Variants in MYOM1 observed in about 807,000 individuals in gnomAD.
The protein encoded by MYOM1 is myomesin-1.
Under a neutral mutation model 205.3 loss-of-function variants are expected in MYOM1, and 164 were observed. The observed-to-expected ratio is 0.80, with a 90% CI of 0.70 to 0.91. MYOM1 has a LOEUF of 0.91. Ranked by LOEUF, MYOM1 falls within the 40% of genes least tolerant of loss-of-function variation. The probability of loss-of-function intolerance (pLI) is 0.00; values close to 1 mark genes in which losing one functional copy is unlikely to be tolerated. For synonymous variants in MYOM1, 772 were observed against 789.4 expected, an observed-to-expected ratio of 0.98 and a Z score of 0.37; for missense variants, 2,011 against 2,127.3, an observed-to-expected ratio of 0.95 and a Z score of 1.08.
intron 33 of MYOM1, among the ~76,000 whole-genome samples, chr18:3,081,781 T>C (rs1252964368): frequency 6.6e-6 from 1 of 152,352 alleles, no homozygotes; most frequent in East Asian, 1.9e-4. Context: ...ATTGGAATTT[T>C]ACTAATTCTC....
chr18:3,154,229 C>A (rs902936276), intron 11 of MYOM1, among the ~76,000 whole-genome samples: 1 of 151,848 alleles, frequency 6.6e-6, no homozygotes, highest in Non-Finnish European at 1.5e-5. Flanking sequence ...AGCATTCTTG[C>A]CAAATTAGTG....
chr18:3,204,916 A>T (rs2144222168), intron 2 of MYOM1, among the ~76,000 whole-genome samples: 1 of 152,216 alleles, frequency 6.6e-6, no homozygotes, highest in East Asian at 1.9e-4. Context: ...CTCTACATTT[A>T]TGGTCAAGTG....
At chr18:3,146,819 T>C (rs1473590187) in intron 13 of MYOM1, among the ~76,000 whole-genome samples, 1 of 151,728 alleles carries the variant, frequency 6.6e-6, no homozygotes, top group Non-Finnish European at 1.5e-5. Flanking sequence ...AAGGAAGAAG[T>C]TAATTTATCT....
At chr18:3,130,731 C>T (rs1386562306) in intron 17 of MYOM1, among the ~76,000 whole-genome samples, 4 of 152,202 alleles carry the variant, frequency 2.6e-5, no homozygotes, top group Admixed American at 6.5e-5. Flanking sequence ...GCTGGGATTA[C>T]AGGTGTAAGC....
intron 5 of MYOM1, 94 bp downstream of exon 5, chr18:3,187,386 T>C (rs940215582): frequency 8.1e-6 from 11 of 1,363,504 alleles, no homozygotes; most frequent in South Asian, 1.4e-5. Flanking sequence ...GATGTCTTCA[T>C]TGACTCTTGC....
At chr18:3,154,016 G>C (rs2080257015) in intron 11 of MYOM1, among the ~76,000 whole-genome samples, 2 of 152,146 alleles carry the variant, frequency 1.3e-5, no homozygotes, top group African/African-American at 4.8e-5. Context: ...AGAACTTATA[G>C]ATAGTGAATA....
chr18:3,140,392 G>A (rs2080031437), intron 14 of MYOM1, among the ~76,000 whole-genome samples: 1 of 149,136 alleles, frequency 6.7e-6, no homozygotes, highest in Non-Finnish European at 1.5e-5. Flanking sequence ...GGGCAACAGA[G>A]TGAGGCTGTC....
intron 8 of MYOM1, among the ~76,000 whole-genome samples, chr18:3,173,272 G>A (rs2080586872): frequency 6.6e-6 from 1 of 152,086 alleles, no homozygotes; most frequent in South Asian, 2.1e-4. Flanking sequence ...CTTCATTTTA[G>A]ATTGTACTTT....
chr18:3,244,767 C>T, the MYOM1 span, among the ~76,000 whole-genome samples: 1 of 151,658 alleles, frequency 6.6e-6, no homozygotes. Flanking sequence ...GGCGTGGTGG[C>T]ACATGCCTGT....
the MYOM1 span, among the ~76,000 whole-genome samples, chr18:3,231,005 C>T: frequency 6.6e-6 from 1 of 152,234 alleles, no homozygotes; most frequent in African/African-American, 2.4e-5. Flanking sequence ...CCAGCTGGCT[C>T]TCAAGCACCA....
In MYOM1 at chr18:3,122,081, T is replaced by C. The variant is rs141199413; in HGVS notation, c.2992-2086A>G. Among the ~76,000 whole-genome samples the C allele has an allele frequency of 1.8e-4, 28 of 152,164 alleles. 1 individual carries two copies. The highest frequency in any genetic ancestry group is 6.7e-4 in the African/African-American group (28 of 41,512). On this transcript the variant is annotated intron_variant, in intron 19 of 37. Coordinates refer to ENST00000356443, the MANE Select transcript of MYOM1 (RefSeq NM_003803.4). ...TTGCAGTGAGTCAAGATCATGCCAC[T>C]GTACTCCAGCCTCAGGGACAGAGTG...
At chr18:3,155,431 A>G (rs186504751) in intron 10 of MYOM1, among the ~76,000 whole-genome samples, 49 of 152,276 alleles carry the variant, frequency 3.2e-4, no homozygotes, top group East Asian at 1.2e-3. Context: ...TCACCGTGTT[A>G]GCCAGGATGG....
chr18:3,212,496 T>G (rs1161152339), intron 2 of MYOM1, among the ~76,000 whole-genome samples: 1 of 152,172 alleles, frequency 6.6e-6, no homozygotes, highest in Non-Finnish European at 1.5e-5. Flanking sequence ...AAGAAGGATT[T>G]GTATAAAATT....
intron 25 of MYOM1, among the ~76,000 whole-genome samples, chr18:3,095,776 C>T (rs945168741): frequency 3.3e-5 from 5 of 151,670 alleles, no homozygotes; most frequent in Non-Finnish European, 4.4e-5. Flanking sequence ...TTCTGTATTC[C>T]TCTTGGTCCT....
chr18:3,144,708 A>C (rs938573744), intron 13 of MYOM1, among the ~76,000 whole-genome samples: 7 of 152,190 alleles, frequency 4.6e-5, no homozygotes, highest in Non-Finnish European at 1.0e-4. Context: ...ATTTCCAAGC[A>C]AAAAAACATT....
At chr18:3,235,787 C>T in the MYOM1 span, among the ~76,000 whole-genome samples, 3 of 152,050 alleles carry the variant, frequency 2.0e-5, no homozygotes, top group Non-Finnish European at 4.4e-5. Flanking sequence ...GAGAGGGGAA[C>T]GCTGTGGGTG....
In MYOM1 at chr18:3,126,745, AT is replaced by A. The variant is rs1191782014; in HGVS notation, c.2946del (p.Lys982AsnfsTer20). 6.2e-7 allele frequency: 1 copy of A among 1,613,606 alleles called. No homozygotes were observed. The highest frequency in any genetic ancestry group is 8.5e-7 in the Non-Finnish European group (1 of 1,179,786). ...YREVIDGVPGKWREANVKAVS... is the reference protein window; with the variant it reads ...YREVIDGVPGXWREANVKAVS... Reference sequence around the variant, plus strand: ...ACAGCCTTGACATTGGCTTCTCTCCATTTTCCTGGTACCCCATCAATGACCT... The same window carrying A: ...ACAGCCTTGACATTGGCTTCTCTCCATTTCCTGGTACCCCATCAATGACCT... On this transcript the variant is annotated frameshift_variant, in exon 19 of 38. Transcript: ENST00000356443. LOFTEE classifies it high-confidence loss of function.
intron 35 of MYOM1, 21 bp from the exon 36 acceptor site, chr18:3,075,497 C>T (rs768270024): frequency 6.2e-6 from 9 of 1,461,782 alleles, no homozygotes; most frequent in Non-Finnish European, 8.1e-6. Context: ...GAGAAACGAA[C>T]AAACAGACGA....
chr18:3,095,438 G>T (rs763777167), intron 25 of MYOM1, among the ~76,000 whole-genome samples: 2 of 152,122 alleles, frequency 1.3e-5, no homozygotes, highest in African/African-American at 2.4e-5. Flanking sequence ...GCGTGGTGGT[G>T]GGCGCCTATA....
Sources: allele counts gnomAD v4.1 joint callset (sites outside exome capture counted in the v4.1 genomes callset), GRCh38; gene constraint gnomAD v4.1.1; transcripts MANE v1.5; gene names NCBI Gene and HGNC (gene_info 2026-07-23, HGNC 2026-07-21).